Variants in NSD2 observed in about 807,000 individuals in gnomAD.
The protein encoded by NSD2 is nuclear receptor binding SET domain protein 2.
In NSD2, 12 loss-of-function variants were observed where a neutral mutation model predicts 139.0. That is an observed-to-expected ratio of 0.09 (90% confidence interval 0.06 to 0.14). NSD2 has a LOEUF of 0.14. Ranked by LOEUF, NSD2 falls within the 10% of genes least tolerant of loss-of-function variation. The probability of loss-of-function intolerance (pLI) is 1.00; values close to 1 mark genes in which losing one functional copy is unlikely to be tolerated. For missense variants in NSD2, 1,155 were observed against 1,745.0 expected, an observed-to-expected ratio of 0.66 and a Z score of 6.02; for synonymous variants, 669 against 648.7, an observed-to-expected ratio of 1.03 and a Z score of -0.48.
At chr4:1,890,765 A>G (rs1170951274) in intron 1 of NSD2, among the ~76,000 whole-genome samples, 3 of 146,898 alleles carry the variant, frequency 2.0e-5, no homozygotes, top group Non-Finnish European at 3.0e-5. Flanking sequence ...CGCTTGGCTA[A>G]TTTTCTATTT....
At chr4:1,960,652 T>G (rs973663421) in intron 17 of NSD2, among the ~76,000 whole-genome samples, 3 of 152,224 alleles carry the variant, frequency 2.0e-5, no homozygotes, top group Admixed American at 6.5e-5. Context: ...CCTGCCTGAC[T>G]GCTGATTCAC....
Position 1,976,763 on chromosome 4 carries a change from C to G in NSD2, c.3826+84C>G. ...CGGCTGCTGCCGCTCTTCCTGCTGA[C>G]CGGGCCTCATCTGGGTGCAGGCACA... On this transcript the variant is annotated intron_variant, in intron 21 of 21. Coordinates refer to ENST00000508803, the MANE Select transcript of NSD2 (RefSeq NM_001042424.3). This position sits in a 1 kb window ranked among gnomAD's most constrained non-coding sequence, Gnocchi z 5.3. 3 of 1,430,508 alleles carry G rather than the reference C, an allele frequency of 2.1e-6. No homozygotes were observed. Among genetic ancestry groups the G allele is most frequent in the Non-Finnish European group, 2.8e-6 (3 of 1,066,208 alleles). 88.6% of individuals were successfully genotyped at this position (1,430,508 alleles called of 1,614,324 possible).
intron 1 of NSD2, among the ~76,000 whole-genome samples, chr4:1,896,445 T>C (rs1716316962): frequency 6.6e-6 from 1 of 152,254 alleles, no homozygotes. Context: ...CACAGCTCAC[T>C]GCAGTGTCAA....
chr4:1,949,162 T>C (rs1295978365), intron 9 of NSD2, among the ~76,000 whole-genome samples: 1 of 152,204 alleles, frequency 6.6e-6, no homozygotes, highest in African/African-American at 2.4e-5. Flanking sequence ...GCTTGTTAAA[T>C]TGGAGGTTTG....
In NSD2 at chr4:1,958,145, CAGG is replaced by C; in HGVS notation, c.2985+111_2985+113del. 1 of 1,133,988 alleles carries C rather than the reference CAGG, an allele frequency of 8.8e-7. No individual in the cohort carries two copies. Among genetic ancestry groups the C allele is most frequent in the Admixed American group, 2.2e-5 (1 of 44,506 alleles). 70.2% of individuals were successfully genotyped at this position (1,133,988 alleles called of 1,614,324 possible). ...GGCTGGGGAGAGGACTGTCACCAGC[CAGG>C]ATCTGTGGTGCCTGGCATGGATGGC... On this transcript the variant is annotated intron_variant, in intron 16 of 21. Coordinates refer to ENST00000508803, the MANE Select transcript of NSD2 (RefSeq NM_001042424.3). The surrounding 1 kb of genome is among the most constrained non-coding windows in gnomAD (Gnocchi z 4.6).
chr4:1,938,401 CTTTTTTTTTTCTTTCTTTTTTTTTTT>C (rs1722682038), intron 7 of NSD2, 24 bp from the exon 8 acceptor site: 1 of 854,920 alleles, frequency 1.2e-6, no homozygotes, highest in Admixed American at 6.8e-5. Context: ...TTTTTCTTTT[CTTTTTTTTTTCTTTCTTTTTTTTTTT>C]TTTTTTTTTT....
At chr4:1,871,837 G>GGGGCGGCGGCCTGC (rs1335679820) in intron 1 of NSD2, among the ~76,000 whole-genome samples, 7 of 148,678 alleles carry the variant, frequency 4.7e-5, no homozygotes, top group Non-Finnish European at 7.5e-5. Flanking sequence ...GGGCAGGGGA[G>GGGGCGGCGGCCTGC]GGGCGGCGGC....
intron 2 of NSD2, among the ~76,000 whole-genome samples, chr4:1,901,780 A>G (rs1170154965): frequency 6.6e-6 from 1 of 152,240 alleles, no homozygotes; most frequent in Non-Finnish European, 1.5e-5. Flanking sequence ...CAGGTGGTCC[A>G]GCAGATGGCC....
rs375609366 is a variant in NSD2 at position 1,952,122 on chromosome 4, G to A, written c.2028G>A (p.Pro676=). 128 of 1,613,868 alleles carry A rather than the reference G, an allele frequency of 7.9e-5. No individual in the cohort carries two copies. Among genetic ancestry groups the A allele is most frequent in the Non-Finnish European group, 1.0e-4 (123 of 1,179,960 alleles). The change falls in exon 11 of 22, where the codon CCG becomes CCA. Residue 676 remains proline, a synonymous_variant. Transcript: ENST00000508803. ...TGCCCCCGCAGCTGTGTGAGAAGCC[G>A]GGCAGCCTCCTGCTCTGTGAAGGAC... ...KEYVCQLCEK[P]GSLLLCEGPC... is the part of the protein sequence containing the mutation.
chr4:1,917,778 C>CTTTTT (rs34000332), intron 4 of NSD2, among the ~76,000 whole-genome samples: 2 of 122,674 alleles, frequency 1.6e-5, no homozygotes, highest in Admixed American at 1.7e-4. Context: ...TAAAAGTATT[C>CTTTTT]TTTTTTTTTT....
intron 18 of NSD2, among the ~76,000 whole-genome samples, chr4:1,965,902 G>A (rs1316805755): frequency 2.6e-5 from 4 of 152,168 alleles, no homozygotes; most frequent in African/African-American, 4.8e-5. Flanking sequence ...TTCCCACCAG[G>A]TTCCTCCCTT....
At chr4:1,928,381 G>A (rs1034475625) in intron 5 of NSD2, among the ~76,000 whole-genome samples, 3 of 152,160 alleles carry the variant, frequency 2.0e-5, no homozygotes, top group Admixed American at 2.0e-4. Context: ...AAAGTTGTAA[G>A]GTTTCAGTGA....
At chr4:1,936,265 T>C (rs773934948) in intron 7 of NSD2, among the ~76,000 whole-genome samples, 7 of 152,232 alleles carry the variant, frequency 4.6e-5, no homozygotes, top group South Asian at 2.1e-4. Flanking sequence ...GCCCTTTTCC[T>C]AGTGTATGAA....
At position 1,957,810 on chromosome 4, in the gene NSD2, T is replaced by A. The variant is rs73069112; in HGVS notation, c.2882-123T>A. 3,462 of 953,386 alleles carry A rather than the reference T, an allele frequency of 3.6e-3. 87 individuals carry two copies. The African/African-American group carries it at 0.051, about 14-fold the overall frequency. The allele number at this position is 953,386 out of a possible 1,614,324, so 59.1% of individuals were successfully genotyped here. On this transcript the variant is annotated intron_variant, in intron 15 of 21. Coordinates refer to ENST00000508803, the MANE Select transcript of NSD2 (RefSeq NM_001042424.3). ...CTGACAGTTGTTCATAGACTCTAGT[T>A]TTATGGGAACCAGAAACTATACTTA...
At chr4:1,930,521 C>A (rs189407027) in intron 5 of NSD2, 105 bp from the exon 6 acceptor site, 1 of 1,215,166 alleles carries the variant, frequency 8.2e-7, no homozygotes. Flanking sequence ...AATAAAAATG[C>A]GACACACTAA....
intron 9 of NSD2, 126 bp from the exon 10 acceptor site, chr4:1,950,946 G>A: frequency 7.9e-7 from 1 of 1,271,368 alleles, no homozygotes; most frequent in East Asian, 2.4e-5. Context: ...ATCACTGGCG[G>A]TACAGGACCA....
At chr4:1,872,564 TTGTGTGTG>T (rs752377919) in intron 1 of NSD2, among the ~76,000 whole-genome samples, 51 of 101,148 alleles carry the variant, frequency 5.0e-4, no homozygotes, top group Admixed American at 2.1e-3. Flanking sequence ...AACGTGTATT[TTGTGTGTG>T]TGTGTGTGTG....
At chr4:1,938,251 A>G (rs971692590) in intron 7 of NSD2, among the ~76,000 whole-genome samples, 200 bp from the exon 8 acceptor site, 1 of 152,210 alleles carries the variant, frequency 6.6e-6, no homozygotes, top group Non-Finnish European at 1.5e-5. Flanking sequence ...TTGGGCAACC[A>G]TGGATGACTT....
intron 4 of NSD2, 78 bp from the exon 5 acceptor site, chr4:1,918,063 G>C: frequency 1.3e-6 from 2 of 1,506,592 alleles, no homozygotes; most frequent in Non-Finnish European, 1.8e-6. Flanking sequence ...TTATAGGCAT[G>C]AATCATGTGC....
Sources: allele counts gnomAD v4.1 joint callset (sites outside exome capture counted in the v4.1 genomes callset), GRCh38; gene constraint gnomAD v4.1.1; non-coding constraint Gnocchi (gnomAD v3.1); transcripts MANE v1.5; gene names NCBI Gene and HGNC (gene_info 2026-07-23, HGNC 2026-07-21).